FARS2: variants seen among roughly 807,000 people sequenced by gnomAD.
The protein encoded by FARS2 is phenylalanyl-tRNA synthetase 2, mitochondrial.
In FARS2, 40 loss-of-function variants were observed where a neutral mutation model predicts 46.4. That is an observed-to-expected ratio of 0.86 (90% confidence interval 0.67 to 1.12). The LOEUF (loss-of-function observed/expected upper bound fraction) is 1.12, where lower values mean the gene tolerates loss of function less well. Ranked by LOEUF, FARS2 falls within the 50% of genes most tolerant of loss-of-function variation. FARS2 has a pLI of 0.00. For missense variants in FARS2, 513 were observed against 567.9 expected, an observed-to-expected ratio of 0.90 and a Z score of 0.98; for synonymous variants, 234 against 214.9, an observed-to-expected ratio of 1.09 and a Z score of -0.78.
chr6:5,534,450 C>T (rs976878713), intron 4 of FARS2, among the ~76,000 whole-genome samples: 1 of 152,188 alleles, frequency 6.6e-6, no homozygotes, highest in Non-Finnish European at 1.5e-5. Flanking sequence ...TCCATGCTCC[C>T]TCCAGTGCCT....
At chr6:5,619,738 A>G (rs1775666384) in intron 6 of FARS2, among the ~76,000 whole-genome samples, 1 of 152,062 alleles carries the variant, frequency 6.6e-6, no homozygotes, top group African/African-American at 2.4e-5. Flanking sequence ...CCCAGTGTGC[A>G]TGAGTCATGG....
chr6:5,677,652 A>G (rs1220946141), intron 6 of FARS2, among the ~76,000 whole-genome samples: 2 of 152,222 alleles, frequency 1.3e-5, no homozygotes, highest in Admixed American at 1.3e-4. Context: ...TACCCAGCCC[A>G]TGCAAAGCCA....
chr6:5,592,979 C>T (rs1220784604), intron 5 of FARS2, among the ~76,000 whole-genome samples: 2 of 152,166 alleles, frequency 1.3e-5, no homozygotes, highest in African/African-American at 2.4e-5. Flanking sequence ...TTAAGGCGAT[C>T]GGCGCTTCTT....
chr6:5,514,150 T>G (rs189042302), intron 4 of FARS2, among the ~76,000 whole-genome samples: 53 of 152,082 alleles, frequency 3.5e-4, no homozygotes, highest in African/African-American at 1.2e-3. Context: ...TGTTGTAGTT[T>G]AAAGAAATAT....
rs1180107524 is a variant in FARS2, at chr6:5,283,374, CAA to C, written c.-22+21734_-22+21735del. On this transcript the variant is annotated intron_variant, in intron 1 of 6. Transcript: ENST00000274680. The stretch of plus-strand genomic sequence containing the variant: ...TGCAACAAAAGTGAAACTCCTGTCT[CAA>C]AAAAAAAAAAAAAAAAAAACAAATT... Among the ~76,000 whole-genome samples, 48 of 55,082 alleles carry C rather than the reference CAA, an allele frequency of 8.7e-4. No individual in the cohort carries two copies. The South Asian group carries it at 0.013, about 15-fold the overall frequency. 36.1% of individuals were successfully genotyped at this position (55,082 alleles called of 152,430 possible).
chr6:5,638,999 A>C (rs964019937), intron 6 of FARS2, among the ~76,000 whole-genome samples: 5 of 152,344 alleles, frequency 3.3e-5, no homozygotes, highest in African/African-American at 1.2e-4. Flanking sequence ...TAGCCTGTCA[A>C]CTACAAGATG....
chr6:5,280,915 A>G (rs560623358), intron 1 of FARS2, among the ~76,000 whole-genome samples: 45 of 152,224 alleles, frequency 3.0e-4, no homozygotes, highest in Admixed American at 1.1e-3. Context: ...ACATTTTATG[A>G]TTTACTATTG....
intron 5 of FARS2, among the ~76,000 whole-genome samples, chr6:5,587,034 T>C (rs1209500805): frequency 1.3e-5 from 2 of 152,210 alleles, no homozygotes; most frequent in East Asian, 1.9e-4. Flanking sequence ...TAAATGCTTT[T>C]ATTATAAAAA....
At chr6:5,408,422 C>T (rs912829559) in intron 3 of FARS2, among the ~76,000 whole-genome samples, 5 of 151,830 alleles carry the variant, frequency 3.3e-5, no homozygotes, top group South Asian at 2.1e-4. Context: ...GCACAGTCCA[C>T]GGAAAGAAGG....
chr6:5,660,915 A>G (rs1019579001), intron 6 of FARS2, among the ~76,000 whole-genome samples: 2 of 152,208 alleles, frequency 1.3e-5, no homozygotes, highest in Admixed American at 6.5e-5. Flanking sequence ...ACCAAGAGCA[A>G]TAGAAGCCCC....
chr6:5,347,747 A>G (rs1328802739), intron 1 of FARS2, among the ~76,000 whole-genome samples: 1 of 152,200 alleles, frequency 6.6e-6, no homozygotes, highest in East Asian at 1.9e-4. Flanking sequence ...AAGAGCTTGT[A>G]CCATTTTACA....
At chr6:5,432,351 T>TATTTATATATTATACATTATATA (rs1491454941) in intron 4 of FARS2, among the ~76,000 whole-genome samples, 1 of 42,316 alleles carries the variant, frequency 2.4e-5, no homozygotes. Flanking sequence ...TATATATATA[T>TATTTATATATTATACATTATATA]TATATATATA....
chr6:5,543,764 A>C (rs1309718169), intron 4 of FARS2, among the ~76,000 whole-genome samples: 1 of 150,912 alleles, frequency 6.6e-6, no homozygotes, highest in Non-Finnish European at 1.5e-5. Flanking sequence ...TCCAGAATCC[A>C]CTCCTCAGCC....
intron 6 of FARS2, among the ~76,000 whole-genome samples, chr6:5,677,970 A>T (rs1330410202): frequency 6.6e-6 from 1 of 152,178 alleles, no homozygotes; most frequent in Non-Finnish European, 1.5e-5. Context: ...ATCTTTGAAA[A>T]TTGCAAGAAA....
chr6:5,508,657 AG>A (rs1768248238), intron 4 of FARS2, among the ~76,000 whole-genome samples: 1 of 152,234 alleles, frequency 6.6e-6, no homozygotes, highest in African/African-American at 2.4e-5. Flanking sequence ...TCTGAATTGA[AG>A]GCCCTGAAAG....
At position 5,712,477 on chromosome 6, in the gene FARS2, C is replaced by T. The variant is rs186441171; in HGVS notation, c.1218-58814C>T. On this transcript the variant is annotated intron_variant, in intron 6 of 6. Transcript: ENST00000274680. ...GGCATGGACCTCCATGGCTTCTGCA[C>T]CCACCTTTTAGAACCACCGTTTCCC... Among the ~76,000 whole-genome samples the T allele has an allele frequency of 6.0e-4, 91 of 152,240 alleles. 2 individuals carry two copies. Among genetic ancestry groups the T allele is most frequent in the Non-Finnish European group, 1.2e-3 (81 of 68,004 alleles).
chr6:5,711,134 G>A (rs1759119740), intron 6 of FARS2, among the ~76,000 whole-genome samples: 1 of 152,170 alleles, frequency 6.6e-6, no homozygotes, highest in Non-Finnish European at 1.5e-5. Flanking sequence ...ATTGGGGAAT[G>A]GGGGAATGTC....
At chr6:5,485,535 G>A (rs1766723859) in intron 4 of FARS2, among the ~76,000 whole-genome samples, 1 of 151,462 alleles carries the variant, frequency 6.6e-6, no homozygotes, top group Admixed American at 6.6e-5. Flanking sequence ...GGCAGTGACT[G>A]TGGGGCTAAG....
intron 5 of FARS2, among the ~76,000 whole-genome samples, chr6:5,589,449 G>T (rs958856391): frequency 2.6e-5 from 4 of 152,228 alleles, no homozygotes; most frequent in African/African-American, 9.7e-5. Context: ...TTTGTCTTTG[G>T]CAGTAATCTT....
Sources: gnomAD v4.1 joint callset for allele counts (sites outside exome capture counted in the v4.1 genomes callset) on GRCh38, gnomAD v4.1.1 for gene constraint, MANE v1.5 for transcripts, NCBI Gene and HGNC (gene_info 2026-07-23, HGNC 2026-07-21) for gene names.